CCDC141: variants seen among roughly 807,000 people sequenced by gnomAD.
CCDC141 encodes the protein coiled-coil domain-containing protein 141.
CCDC141 carries 168 observed loss-of-function variants against 181.0 expected under a neutral mutation model. The observed-to-expected ratio is 0.93, with a 90% CI of 0.82 to 1.05. The LOEUF is 1.05. Ranked by LOEUF, CCDC141 falls within the 50% of genes least tolerant of loss-of-function variation. CCDC141 has a pLI of 0.00. For synonymous variants in CCDC141, 666 were observed against 642.3 expected, an observed-to-expected ratio of 1.04 and a Z score of -0.56; for missense variants, 1,902 against 1,788.5, an observed-to-expected ratio of 1.06 and a Z score of -1.14.
intron 7 of CCDC141, among the ~76,000 whole-genome samples, chr2:178,909,121 T>G (rs918069892): frequency 6.6e-6 from 1 of 152,206 alleles, no homozygotes; most frequent in Non-Finnish European, 1.5e-5. Flanking sequence ...ATTGAATGCA[T>G]GTGAGATACC....
intron 17 of CCDC141, among the ~76,000 whole-genome samples, chr2:178,863,444 T>C (rs930077158): frequency 6.6e-6 from 1 of 152,204 alleles, no homozygotes; most frequent in Admixed American, 6.5e-5. Flanking sequence ...GTATAACGTA[T>C]CATATTTAAT....
chr2:178,959,550 A>T (rs751243520), intron 5 of CCDC141, among the ~76,000 whole-genome samples: 1 of 152,166 alleles, frequency 6.6e-6, no homozygotes, highest in Non-Finnish European at 1.5e-5. Context: ...CCTTCTTGTT[A>T]TGCCAGAGTC....
intron 3 of CCDC141, 31 bp from the exon 4 acceptor site, chr2:178,975,196 G>A: frequency 1.7e-6 from 2 of 1,161,320 alleles, no homozygotes; most frequent in Non-Finnish European, 2.4e-6. Flanking sequence ...AAAGACATTT[G>A]ACATTTGTAT....
chr2:178,978,607 C>T lies in CCDC141; in HGVS notation c.294G>A (p.Gln98=), dbSNP rs267599103. The T allele has an allele frequency of 6.5e-7, 1 of 1,549,948 alleles. No homozygotes were observed. The highest frequency in any genetic ancestry group is 2.4e-5 in the East Asian group (1 of 40,842). ...ADKTAEENKD[Q]SQVYDAMAET... is the part of the protein sequence containing the mutation. ...CGGCCATGGCATCATAGACCTGACT[C>T]TGATCCTTGTTCTCTTCAGCTGTCT... The change falls in exon 3 of 24, where the codon CAG becomes CAA. Residue 98 remains glutamine, a synonymous_variant. Transcript: ENST00000443758.
At chr2:178,891,733 T>C (rs1687159969) in intron 8 of CCDC141, among the ~76,000 whole-genome samples, 1 of 152,032 alleles carries the variant, frequency 6.6e-6, no homozygotes, top group South Asian at 2.1e-4. Context: ...TTTAGCAACC[T>C]GCAATTTTAA....
intron 5 of CCDC141, among the ~76,000 whole-genome samples, chr2:178,954,327 C>A (rs1690072269): frequency 6.6e-6 from 1 of 152,188 alleles, no homozygotes; most frequent in Admixed American, 6.5e-5. Flanking sequence ...GCTGCTGGAG[C>A]TGAATAGAAA....
intron 14 of CCDC141, 33 bp from the exon 15 acceptor site, chr2:178,869,338 T>C (rs1295232305): frequency 3.9e-6 from 6 of 1,527,104 alleles, no homozygotes; most frequent in Admixed American, 2.2e-5. Flanking sequence ...AAAATCTTGC[T>C]ATTAAAGAAC....
intron 2 of CCDC141, among the ~76,000 whole-genome samples, chr2:179,037,835 A>T (rs1398365485): frequency 6.6e-6 from 1 of 152,230 alleles, no homozygotes; most frequent in East Asian, 1.9e-4. Context: ...ATGACTTTTT[A>T]AAAAAGAAAC....
rs1461666991 is a variant in CCDC141 at position 178,830,558 on chromosome 2, T to C, written c.*3615A>G. Reference sequence around the variant, plus strand: ...AACAATTCAATTCAAAAGAGTTTACTGAGTGTGACTGTGTCTTAGGTACTG... The same window carrying C: ...AACAATTCAATTCAAAAGAGTTTACCGAGTGTGACTGTGTCTTAGGTACTG... On this transcript the variant is annotated 3_prime_UTR_variant, in exon 24 of 24. Transcript: ENST00000443758. 2 of 152,240 alleles carry C rather than the reference T, an allele frequency of 1.3e-5. No individual in the cohort carries two copies. The highest frequency in any genetic ancestry group is 2.4e-5 in the African/African-American group (1 of 41,458). The allele number at this position is 152,240 out of a possible 1,614,324, so 9.4% of individuals were successfully genotyped here. A position where few individuals can be genotyped will look rare whatever the true frequency, so the allele number is the denominator to read the frequency against.
At chr2:178,944,228 T>C (rs531373789) in intron 6 of CCDC141, among the ~76,000 whole-genome samples, 1 of 152,258 alleles carries the variant, frequency 6.6e-6, no homozygotes, top group South Asian at 2.1e-4. Flanking sequence ...AAATAATACC[T>C]CCCCCTTAGG....
chr2:178,924,187 A>C (rs759944819), intron 6 of CCDC141, among the ~76,000 whole-genome samples: 5 of 152,202 alleles, frequency 3.3e-5, no homozygotes, highest in Non-Finnish European at 5.9e-5. Flanking sequence ...GGACCAAAAA[A>C]CAATTGGGAA....
chr2:178,928,073 A>T (rs944636525), intron 6 of CCDC141, among the ~76,000 whole-genome samples: 1 of 152,216 alleles, frequency 6.6e-6, no homozygotes, highest in Non-Finnish European at 1.5e-5. Context: ...AAATAGAACC[A>T]ATCAGAATAA....
intron 5 of CCDC141, among the ~76,000 whole-genome samples, chr2:178,954,077 T>G (rs1053492247): frequency 1.1e-4 from 16 of 152,232 alleles, no homozygotes; most frequent in African/African-American, 3.9e-4. Flanking sequence ...ATCTGGGTGG[T>G]AAAAAGAGAT....
intron 10 of CCDC141, among the ~76,000 whole-genome samples, chr2:178,886,132 G>C (rs987633119): frequency 2.0e-5 from 3 of 152,200 alleles, no homozygotes; most frequent in Non-Finnish European, 2.9e-5. Flanking sequence ...GAGAACTGGA[G>C]TCACAGGCCT....
chr2:178,903,178 C>A (rs1027942561), intron 8 of CCDC141, among the ~76,000 whole-genome samples: 2 of 147,038 alleles, frequency 1.4e-5, no homozygotes, highest in Non-Finnish European at 3.0e-5. Context: ...ACTAGTTCAA[C>A]CATTGTGGAA....
At chr2:179,047,768 C>A (rs2043547417) in intron 1 of CCDC141, among the ~76,000 whole-genome samples, 1 of 152,174 alleles carries the variant, frequency 6.6e-6, no homozygotes, top group South Asian at 2.1e-4. Context: ...ACTCACAAAA[C>A]TGAACTCAAT....
chr2:179,028,083 C>T (rs975373161), intron 2 of CCDC141, among the ~76,000 whole-genome samples: 2 of 152,208 alleles, frequency 1.3e-5, no homozygotes, highest in Non-Finnish European at 2.9e-5. Flanking sequence ...CCATCCCAGA[C>T]TTCCCACCCA....
intron 4 of CCDC141, among the ~76,000 whole-genome samples, chr2:178,974,361 T>C (rs1299184845): frequency 2.0e-5 from 3 of 152,156 alleles, no homozygotes; most frequent in Admixed American, 6.5e-5. Flanking sequence ...GAAACGGTTG[T>C]TTCTATCAAT....
At chr2:178,895,366 A>C (rs564412599) in intron 8 of CCDC141, among the ~76,000 whole-genome samples, 1 of 152,282 alleles carries the variant, frequency 6.6e-6, no homozygotes, top group South Asian at 2.1e-4. Flanking sequence ...CACCCAGGGC[A>C]GGGATTTCTG....
Sources: gnomAD v4.1 joint callset for allele counts (sites outside exome capture counted in the v4.1 genomes callset) on GRCh38, gnomAD v4.1.1 for gene constraint, MANE v1.5 for transcripts, NCBI Gene and HGNC (gene_info 2026-07-23, HGNC 2026-07-21) for gene names.